The following ACTR3C variants were observed in gnomAD, a reference collection of about 807,000 sequenced individuals.
The protein encoded by ACTR3C is actin-related protein 3C.
A neutral mutation model predicts 26.3 loss-of-function variants in ACTR3C; 18 were observed. That is an observed-to-expected ratio of 0.68 (90% CI 0.47 to 1.01). ACTR3C has a LOEUF of 1.01. Ranked by LOEUF, ACTR3C falls within the 50% of genes least tolerant of loss-of-function variation. The probability of loss-of-function intolerance (pLI) is 0.00; values close to 1 mark genes in which losing one functional copy is unlikely to be tolerated. For synonymous variants in ACTR3C, 55 were observed against 94.5 expected, an observed-to-expected ratio of 0.58 and a Z score of 2.42; for missense variants, 184 against 250.7, an observed-to-expected ratio of 0.73 and a Z score of 1.80.
the ACTR3C span, among the ~76,000 whole-genome samples, chr7:149,934,735 C>T: frequency 6.7e-6 from 1 of 148,782 alleles, no homozygotes; most frequent in Non-Finnish European, 1.5e-5. Context: ...GGGCCAACAC[C>T]AGGCCTCCCA....
At chr7:150,041,775 C>G in the ACTR3C span, among the ~76,000 whole-genome samples, 7 of 117,922 alleles carry the variant, frequency 5.9e-5, no homozygotes, top group East Asian at 9.9e-4. Context: ...GACTGGCTCT[C>G]AGTCCCTGCC....
chr7:150,264,986 C>T (rs1833922164), intron 6 of ACTR3C: 1 of 567,478 alleles, frequency 1.8e-6, no homozygotes, highest in African/African-American at 2.2e-5. Context: ...CTTCTTAAGA[C>T]ATACATGGGC....
the ACTR3C span, among the ~76,000 whole-genome samples, chr7:150,149,103 A>G: frequency 2.2e-5 from 3 of 134,260 alleles, 1 homozygote; most frequent in Non-Finnish European, 4.6e-5. Context: ...ATATATATAT[A>G]TATATATATA....
chr7:150,042,584 G>C, the ACTR3C span, among the ~76,000 whole-genome samples: 1 of 146,332 alleles, frequency 6.8e-6, no homozygotes. Context: ...CGCGGGGGGT[G>C]CCTCCCCCCA....
At chr7:150,039,510 G>A in the ACTR3C span, among the ~76,000 whole-genome samples, 8 of 35,786 alleles carry the variant, frequency 2.2e-4, no homozygotes, top group South Asian at 9.2e-4. Context: ...CACTCTCGTG[G>A]GGGGTGCCTC....
chr7:149,933,331 T>G, the ACTR3C span, among the ~76,000 whole-genome samples: 2 of 151,464 alleles, frequency 1.3e-5, no homozygotes, highest in African/African-American at 4.9e-5. Flanking sequence ...TCTGGCGATC[T>G]TATTGATACA....
the ACTR3C span, among the ~76,000 whole-genome samples, chr7:150,233,478 A>G: frequency 1.3e-5 from 2 of 149,414 alleles, no homozygotes; most frequent in African/African-American, 5.0e-5. Flanking sequence ...TGTTACTTCA[A>G]ATATTTCTTT....
the ACTR3C span, among the ~76,000 whole-genome samples, chr7:149,983,594 C>T: frequency 1.3e-5 from 2 of 150,472 alleles, no homozygotes; most frequent in East Asian, 3.9e-4. Context: ...AAAATAGAAC[C>T]ACCATATAAT....
At chr7:150,190,949 C>A in the ACTR3C span, among the ~76,000 whole-genome samples, 2 of 152,152 alleles carry the variant, frequency 1.3e-5, no homozygotes, top group Non-Finnish European at 2.9e-5. Context: ...GACTCATTCA[C>A]TATCACGGGG....
At chr7:149,982,824 A>G in the ACTR3C span, among the ~76,000 whole-genome samples, 1 of 152,202 alleles carries the variant, frequency 6.6e-6, no homozygotes, top group Admixed American at 6.5e-5. Flanking sequence ...AGATCATGTC[A>G]TCCGCAAACA....
the ACTR3C span, among the ~76,000 whole-genome samples, chr7:150,048,161 C>T: frequency 1.3e-5 from 2 of 152,106 alleles, no homozygotes. Flanking sequence ...CAGCCACGTA[C>T]GGCCTAATCA....
the ACTR3C span, among the ~76,000 whole-genome samples, chr7:150,238,149 A>G: frequency 6.8e-6 from 1 of 146,140 alleles, no homozygotes; most frequent in East Asian, 2.0e-4. Context: ...ACTGCATAAA[A>G]TTATATAATA....
chr7:149,990,247 G>T, the ACTR3C span, among the ~76,000 whole-genome samples: 1 of 150,844 alleles, frequency 6.6e-6, no homozygotes, highest in Non-Finnish European at 1.5e-5. Flanking sequence ...TCACCCACGT[G>T]CACCCCCACC....
chr7:150,035,157 T>C, the ACTR3C span, among the ~76,000 whole-genome samples: 1 of 121,074 alleles, frequency 8.3e-6, no homozygotes, highest in Non-Finnish European at 1.8e-5. Context: ...ATGGGGGTCC[T>C]AAGCCAGGGG....
the ACTR3C span, among the ~76,000 whole-genome samples, chr7:150,080,046 G>C: frequency 6.6e-6 from 1 of 152,194 alleles, no homozygotes; most frequent in Admixed American, 6.5e-5. Context: ...CGGCAAGAAT[G>C]CTTGCTGAAC....
At chr7:149,968,713 G>A in the ACTR3C span, among the ~76,000 whole-genome samples, 648 of 141,842 alleles carry the variant, frequency 4.6e-3, 1 homozygote, top group African/African-American at 0.016. Context: ...TTAATTGTAC[G>A]GTCCAATAGC....
At chr7:150,070,656 GCCCA>G in the ACTR3C span, among the ~76,000 whole-genome samples, 686 of 152,204 alleles carry the variant, frequency 4.5e-3, 8 homozygotes, top group African/African-American at 0.016. Flanking sequence ...TTGCCATGTT[GCCCA>G]GGCTGGTCTC....
the ACTR3C span, among the ~76,000 whole-genome samples, chr7:150,008,045 C>T: frequency 1.3e-5 from 2 of 151,198 alleles, no homozygotes; most frequent in Non-Finnish European, 2.9e-5. Flanking sequence ...TCTATTTGAA[C>T]GTCTTAAACG....
chr7:150,015,842 C>A, the ACTR3C span, among the ~76,000 whole-genome samples: 2 of 152,214 alleles, frequency 1.3e-5, no homozygotes, highest in Admixed American at 1.3e-4. Flanking sequence ...ACTACATGTC[C>A]TCATTTTGCT....
Sources: gnomAD v4.1 joint callset for allele counts (sites outside exome capture counted in the v4.1 genomes callset) on GRCh38, gnomAD v4.1.1 for gene constraint, MANE v1.5 for transcripts, NCBI Gene and HGNC (gene_info 2026-07-23, HGNC 2026-07-21) for gene names.